Variants in YARS1 observed in about 807,000 individuals in gnomAD.
YARS1 encodes tyrosine--tRNA ligase, cytoplasmic.
Under a neutral mutation model 62.2 loss-of-function variants are expected in YARS1, and 36 were observed. That is an observed-to-expected ratio of 0.58 (90% CI 0.44 to 0.76). YARS1 has a LOEUF of 0.76. Among genes scored for constraint, YARS1 ranks in the 30% least tolerant of loss-of-function variants. The probability of loss-of-function intolerance (pLI) is 0.00; values close to 1 mark genes in which losing one functional copy is unlikely to be tolerated. For missense variants in YARS1, 524 were observed against 639.8 expected (o/e 0.82, Z 1.95); for synonymous variants, 234 against 244.9 (o/e 0.96, Z 0.42).
At chr1:32,787,367 C>G (rs534329388) in intron 6 of YARS1, among the ~76,000 whole-genome samples, 3 of 151,924 alleles carry the variant, frequency 2.0e-5, no homozygotes, top group Non-Finnish European at 4.4e-5. Flanking sequence ...GCTCAAGCAA[C>G]TCTCCTGCCT....
chr1:32,786,753 G>C, intron 7 of YARS1, 187 bp downstream of exon 7: 1 of 882,156 alleles, frequency 1.1e-6, no homozygotes, highest in South Asian at 1.8e-5. Flanking sequence ...AACCTAGCCT[G>C]GTAACGAATA....
At chr1:32,805,491 AT>A (rs1227085362) in intron 4 of YARS1, among the ~76,000 whole-genome samples, 3 of 152,056 alleles carry the variant, frequency 2.0e-5, no homozygotes, top group Admixed American at 6.6e-5. Context: ...AGTGAAACTT[AT>A]GTCTGTTTCT....
At chr1:32,780,344 T>C (rs2148600046) in intron 10 of YARS1, 66 bp from the exon 11 acceptor site, 1 of 1,595,244 alleles carries the variant, frequency 6.3e-7, no homozygotes, top group Non-Finnish European at 8.6e-7. Context: ...TGGTGAACTC[T>C]TGGATTCCGG....
At chr1:32,808,343 C>CCA (rs1404985979) in intron 3 of YARS1, among the ~76,000 whole-genome samples, 1 of 151,884 alleles carries the variant, frequency 6.6e-6, no homozygotes, top group East Asian at 1.9e-4. Context: ...CCTCAGCCTC[C>CCA]TGAGTACTGG....
chr1:32,802,691 T>A (rs887219695), intron 4 of YARS1, among the ~76,000 whole-genome samples: 3 of 152,186 alleles, frequency 2.0e-5, no homozygotes, highest in African/African-American at 7.2e-5. Context: ...TTGAAAAGAA[T>A]CTTTCTTTTT....
rs1387802130 is a variant in YARS1 at position 32,776,916 on chromosome 1, G to A, written c.1477-825C>T. Among the ~76,000 whole-genome samples, 1 of 151,716 alleles carries A rather than the reference G, an allele frequency of 6.6e-6. No individual in the cohort carries two copies. The highest frequency in any genetic ancestry group is 6.6e-5 in the Admixed American group (1 of 15,250). ...TGAGAGGAGGAGGTTGTGGCGGGCCGAGATCACGCCACCACACTCCAGCCT... is the reference window on the plus strand; with the variant it reads ...TGAGAGGAGGAGGTTGTGGCGGGCCAAGATCACGCCACCACACTCCAGCCT... On this transcript the variant is annotated intron_variant, in intron 12 of 12. Coordinates refer to ENST00000373477, the MANE Select transcript of YARS1 (RefSeq NM_003680.4). The surrounding 1 kb of genome is among the most constrained non-coding windows in gnomAD (Gnocchi z 4.0).
intron 1 of YARS1, 33 bp from the exon 2 acceptor site, chr1:32,811,090 C>G: frequency 6.2e-7 from 1 of 1,613,400 alleles, no homozygotes; most frequent in South Asian, 1.1e-5. Context: ...AGTTTAATGT[C>G]AGTGCCTCAC....
intron 3 of YARS1, among the ~76,000 whole-genome samples, chr1:32,808,554 CTTTA>C (rs1488751813): frequency 8.5e-5 from 13 of 152,126 alleles, no homozygotes; most frequent in Admixed American, 8.5e-4. Flanking sequence ...AGCAAGATAA[CTTTA>C]TTTATCCCAC....
At chr1:32,796,940 G>A (rs1260136459) in intron 5 of YARS1, among the ~76,000 whole-genome samples, 1 of 110,398 alleles carries the variant, frequency 9.1e-6, no homozygotes, top group African/African-American at 3.6e-5. Flanking sequence ...ACTCCAGCCT[G>A]GGTGACAATA....
chr1:32,807,531 A>G (rs1212967701), intron 3 of YARS1, among the ~76,000 whole-genome samples: 1 of 151,794 alleles, frequency 6.6e-6, no homozygotes, highest in African/African-American at 2.4e-5. Flanking sequence ...ATCACAGCTC[A>G]TTGCAGCCTC....
chr1:32,786,741 A>G, intron 7 of YARS1, 199 bp downstream of exon 7: 1 of 837,088 alleles, frequency 1.2e-6, no homozygotes, highest in South Asian at 1.8e-5. Context: ...GTATTCCCTC[A>G]GAACCTAGCC....
chr1:32,800,727 C>T (rs1638265716), intron 4 of YARS1, among the ~76,000 whole-genome samples: 1 of 152,070 alleles, frequency 6.6e-6, no homozygotes, highest in Non-Finnish European at 1.5e-5. Context: ...GCGCCCGTCA[C>T]CACACCTGGC....
chr1:32,815,124 G>C (rs1165513740), intron 1 of YARS1, among the ~76,000 whole-genome samples: 1 of 152,096 alleles, frequency 6.6e-6, no homozygotes, highest in Non-Finnish European at 1.5e-5. Context: ...CGAATTTGGC[G>C]GATAACTTGA....
At chr1:32,790,469 G>A (rs770594070) in intron 6 of YARS1, among the ~76,000 whole-genome samples, 5 of 127,604 alleles carry the variant, frequency 3.9e-5, no homozygotes, top group Non-Finnish European at 7.8e-5. Context: ...AGCTGAGATC[G>A]CACCACTGCA....
intron 4 of YARS1, among the ~76,000 whole-genome samples, chr1:32,802,119 T>C (rs924213841): frequency 2.6e-5 from 4 of 151,906 alleles, no homozygotes; most frequent in Non-Finnish European, 5.9e-5. Context: ...GGCTAATTTT[T>C]TGTATTTTTA....
Position 32,809,220 on chromosome 1 carries a change from G to A in YARS1, c.380+1371C>T, listed in dbSNP as rs545436583. Among the ~76,000 whole-genome samples the A allele has an allele frequency of 7.9e-5, 12 of 152,096 alleles. No homozygotes were observed. The South Asian group carries it at 1.9e-3, about 24-fold the overall frequency. On this transcript the variant is annotated intron_variant, in intron 3 of 12. Coordinates refer to ENST00000373477, the MANE Select transcript of YARS1 (RefSeq NM_003680.4). ...TCATGCCTCAGCCTCCCGAGTAGCC[G>A]TGATTACAGGTGTATGCCACCACGC... is the stretch of plus-strand genomic sequence containing the variant.
chr1:32,786,198 A>G (rs1328789330), intron 8 of YARS1, among the ~76,000 whole-genome samples, 164 bp downstream of exon 8: 1 of 152,180 alleles, frequency 6.6e-6, no homozygotes, highest in Admixed American at 6.6e-5. Flanking sequence ...CAAAACTGCA[A>G]TTTTGAAGGA....
intron 10 of YARS1, 117 bp downstream of exon 10, chr1:32,780,931 G>A: frequency 1.1e-6 from 1 of 921,270 alleles, no homozygotes; most frequent in Non-Finnish European, 1.8e-6. Context: ...CCTGCACTCT[G>A]ACTTGCAATA....
intron 5 of YARS1, among the ~76,000 whole-genome samples, chr1:32,795,218 C>T (rs1255945946): frequency 1.3e-5 from 2 of 151,420 alleles, no homozygotes; most frequent in Admixed American, 6.6e-5. Context: ...ACTTGGGAAG[C>T]TGAGGCAGGA....
Sources: allele counts gnomAD v4.1 joint callset (sites outside exome capture counted in the v4.1 genomes callset), GRCh38; gene constraint gnomAD v4.1.1; non-coding constraint Gnocchi (gnomAD v3.1); transcripts MANE v1.5; gene names NCBI Gene and HGNC (gene_info 2026-07-23, HGNC 2026-07-21).